ZNF197: variants seen among roughly 807,000 people sequenced by gnomAD.
The protein encoded by ZNF197 is zinc finger protein 197.
A neutral mutation model predicts 27.4 loss-of-function variants in ZNF197; 14 were observed. The ratio of observed to expected loss-of-function variants is 0.51; its 90% confidence interval spans 0.34 to 0.80. The LOEUF is 0.80. Ranked by LOEUF, ZNF197 falls within the 30% of genes least tolerant of loss-of-function variation. The pLI, the probability that ZNF197 is intolerant of heterozygous loss-of-function variation, is 0.02. For synonymous variants in ZNF197, 415 were observed against 420.0 expected, an observed-to-expected ratio of 0.99 and a Z score of 0.15; for missense variants, 1,090 against 1,222.6, an observed-to-expected ratio of 0.89 and a Z score of 1.62.
chr3:44,635,639 A>G (rs1575476646), intron 5 of ZNF197, among the ~76,000 whole-genome samples: 1 of 152,166 alleles, frequency 6.6e-6, no homozygotes, highest in Admixed American at 6.5e-5. Flanking sequence ...TATTTAGGAG[A>G]TTGGACTAAA....
At chr3:44,627,836 A>G (rs1353395658) in intron 1 of ZNF197, among the ~76,000 whole-genome samples, 1 of 151,910 alleles carries the variant, frequency 6.6e-6, no homozygotes, top group Non-Finnish European at 1.5e-5. Flanking sequence ...ATCTCAAAAA[A>G]AAAAAAAAAA....
rs73829671 is a variant in ZNF197, at chr3:44,632,229, C to T, written c.642+33C>T. 4.8e-3 allele frequency: 7,793 copies of T among 1,607,740 alleles called. 286 individuals are homozygous for T. In the African/African-American group the frequency reaches 0.087, roughly 18 times the overall value. ...TTGCATCCTCTTTCCTTCCCATCTGCACAGCGTAACTGTGGCTGAAGTGCC... is the reference window on the plus strand; with the variant it reads ...TTGCATCCTCTTTCCTTCCCATCTGTACAGCGTAACTGTGGCTGAAGTGCC... On this transcript the variant is annotated intron_variant, in intron 4 of 5. Transcript: ENST00000344387.
chr3:44,632,487 CGAG>C lies in ZNF197; in HGVS notation c.662_664del (p.Glu221del). 6.3e-7 allele frequency: 1 copy of C among 1,598,638 alleles called. No homozygotes were observed. ...TGTTATTTCAGGAGTTGGTGATGTT[CGAG>C]GAGGTGTCAGTATGCTTCACTTCAG... On this transcript the variant is annotated inframe_deletion, in exon 5 of 6. Transcript: ENST00000344387.
chr3:44,632,403 G>A, intron 4 of ZNF197, 70 bp from the exon 5 acceptor site: 1 of 1,535,312 alleles, frequency 6.5e-7, no homozygotes, highest in South Asian at 1.3e-5. Flanking sequence ...CCCTTCCCCA[G>A]AAGTGAAGGG....
At chr3:44,625,549 TTTTG>T (rs925007929) in intron 1 of ZNF197, among the ~76,000 whole-genome samples, 53 of 152,046 alleles carry the variant, frequency 3.5e-4, no homozygotes, top group African/African-American at 1.3e-3. Context: ...GGACGGATTT[TTTTG>T]TTTGTTTGTT....
intron 1 of ZNF197, 88 bp downstream of exon 1, chr3:44,625,231 C>A: frequency 6.6e-6 from 1 of 152,204 alleles, no homozygotes; most frequent in East Asian, 1.9e-4. Flanking sequence ...GCACAGCCCT[C>A]GGTAGCCTCT....
At chr3:44,632,439 GCATTGGTAATCT>G in intron 4 of ZNF197, 22 bp from the exon 5 acceptor site, 7 of 1,557,670 alleles carry the variant, frequency 4.5e-6, no homozygotes, top group Non-Finnish European at 6.1e-6. Context: ...AAGTTCCTGG[GCATTGGTAATCT>G]CACACACACT....
rs1211707758 is a variant in ZNF197 at position 44,632,580 on chromosome 3, T to C, written c.750T>C (p.Tyr250=). Residue 250 remains tyrosine, a synonymous_variant, in exon 5 of 6, where the codon TAT becomes TAC. Transcript: ENST00000344387. The stretch of plus-strand genomic sequence containing the variant: ...ACTGGGATGTGATGCTGGAGAATTA[T>C]GGAAATGTGACCTCCCTAGGTAAGG... ...ALYWDVMLEN[Y]GNVTSLEWET... The C allele has an allele frequency of 2.5e-6, 4 of 1,586,664 alleles. No homozygotes were observed. The highest frequency in any genetic ancestry group is 1.3e-5 in the African/African-American group (1 of 74,242).
At chr3:44,634,698 C>T (rs1032947330) in intron 5 of ZNF197, among the ~76,000 whole-genome samples, 3 of 152,206 alleles carry the variant, frequency 2.0e-5, no homozygotes, top group African/African-American at 7.2e-5. Context: ...GATCCACCCG[C>T]CTCAGCCTCC....
rs1478589354 is a variant in ZNF197 at position 44,647,865 on chromosome 3, G to A, written c.*3645G>A. The A allele has an allele frequency of 6.6e-6, 1 of 152,150 alleles. No homozygotes were observed. The highest frequency in any genetic ancestry group is 1.5e-5 in the Non-Finnish European group (1 of 68,020). 9.4% of individuals were successfully genotyped at this position (152,150 alleles called of 1,614,324 possible). ...GTAGCACCAGAAAGGTCTTTGTGGT[G>A]ATGGAACACTTGTGTATCTTGATTG... On this transcript the variant is annotated 3_prime_UTR_variant, in exon 6 of 6. Transcript: ENST00000344387.
rs777331961 is a variant in ZNF197, at chr3:44,643,920, T to C, written c.2790T>C (p.Tyr930=). The C allele has an allele frequency of 2.0e-5, 32 of 1,613,970 alleles. No homozygotes were observed. The highest frequency in any genetic ancestry group is 2.5e-5 in the Non-Finnish European group (29 of 1,180,014). Residue 930 remains tyrosine (Y), a synonymous_variant, in exon 6 of 6, where the codon TAT becomes TAC. Coordinates refer to ENST00000344387, the MANE Select transcript of ZNF197 (RefSeq NM_006991.5). ...GAATGCACACTGGGGAAAAACCTTA[T>C]GAGTGTGACAAGTGTAGGAAATCCT... ...HQRMHTGEKP[Y]ECDKCRKSFT...
intron 5 of ZNF197, among the ~76,000 whole-genome samples, chr3:44,637,874 A>G (rs1422446746): frequency 6.6e-6 from 1 of 152,198 alleles, no homozygotes; most frequent in Admixed American, 6.5e-5. Context: ...TTCATGGTAC[A>G]TTTTGAAATA....
intron 5 of ZNF197, 116 bp from the exon 6 acceptor site, chr3:44,641,784 C>T (rs1265081822): frequency 8.2e-7 from 1 of 1,217,712 alleles, no homozygotes; most frequent in Non-Finnish European, 1.1e-6. Flanking sequence ...AAAGTTTCTC[C>T]TTTTTGTATG....
chr3:44,643,388 G>T lies in ZNF197; in HGVS notation c.2258G>T (p.Arg753Leu). The T allele has an allele frequency of 6.2e-7, 1 of 1,614,128 alleles. No homozygotes were observed. Among genetic ancestry groups the T allele is most frequent in the Non-Finnish European group, 8.5e-7 (1 of 1,180,022 alleles). ...FSYNSSLLVH[R>L]RIHTGEKPFE... is the part of the protein sequence containing the mutation. ...TACAATTCAAGCCTGCTTGTACATC[G>T]GAGAATCCACACCGGAGAAAAACCC... Residue 753 changes from arginine to leucine, a missense_variant, in exon 6 of 6, where the codon CGG becomes CTG. Physicochemically the swap from Arg to Leu is moderately radical, Grantham distance 102 (BLOSUM62 -2). Coordinates refer to ENST00000344387, the MANE Select transcript of ZNF197 (RefSeq NM_006991.5).
At chr3:44,634,419 T>C (rs967440259) in intron 5 of ZNF197, among the ~76,000 whole-genome samples, 2 of 152,158 alleles carry the variant, frequency 1.3e-5, no homozygotes, top group African/African-American at 4.8e-5. Context: ...GTGGTCTTTT[T>C]CCTCATAAAA....
chr3:44,643,730 T>A lies in ZNF197; in HGVS notation c.2600T>A (p.Ile867Asn). 2.5e-6 allele frequency: 4 copies of A among 1,614,022 alleles called. No homozygotes were observed. The highest frequency in any genetic ancestry group is 3.4e-6 in the Non-Finnish European group (4 of 1,179,962). The change falls in exon 6 of 6, where the codon ATT becomes AAT. Residue 867 changes from isoleucine (I) to asparagine (N), a missense_variant. By Grantham distance (149) the Ile-to-Asn change is moderately radical. Coordinates refer to ENST00000344387, the MANE Select transcript of ZNF197 (RefSeq NM_006991.5). ...YNRNLIEHQR[I>N]HSGEKTYECH... ...AGAAACCTGATTGAACATCAAAGAA[T>A]TCACAGTGGAGAAAAAACCTACGAA...
rs777668872 is a variant in ZNF197, at chr3:44,642,251, T to C, written c.1121T>C (p.Met374Thr). 3.0e-5 allele frequency: 49 copies of C among 1,613,910 alleles called. No individual in the cohort carries two copies. In the South Asian group the frequency reaches 4.7e-4, roughly 16 times the overall value. The change falls in exon 6 of 6, where the codon ATG becomes ACG. Residue 374 changes from methionine to threonine, a missense_variant. Physicochemically the swap from Met to Thr is moderately conservative, Grantham distance 81. Transcript: ENST00000344387. ...TEGKKFYKCDMCCKHFNKISH... is the reference protein window; with the variant it reads ...TEGKKFYKCDTCCKHFNKISH... The stretch of plus-strand genomic sequence containing the variant: ...GGAAAGAAGTTTTATAAATGTGATA[T>C]GTGTTGTAAACATTTTAATAAAATC...
chr3:44,642,695 A>G lies in ZNF197; in HGVS notation c.1565A>G (p.Lys522Arg). The G allele has an allele frequency of 6.2e-7, 1 of 1,614,030 alleles. No individual in the cohort carries two copies. The highest frequency in any genetic ancestry group is 1.1e-5 in the South Asian group (1 of 91,084). ...CNKCQKAFIL[K>R]KSLILHQRIH... ...AAGTGTCAGAAAGCTTTCATTCTGA[A>G]GAAGAGCCTCATTCTGCACCAGAGA... The change falls in exon 6 of 6, where the codon AAG becomes AGG. Residue 522 changes from lysine (K) to arginine (R), a missense_variant. Lys to Arg is a conservative substitution (Grantham distance 26). Coordinates refer to ENST00000344387, the MANE Select transcript of ZNF197 (RefSeq NM_006991.5).
At position 44,645,736 on chromosome 3, in the gene ZNF197, T is replaced by C; in HGVS notation, c.*1516T>C. ...ATAGCCTGTTACTAATGAAACAACATTCTGTCCCAGCACTAAATTTACTGG... is the reference window on the plus strand; with the variant it reads ...ATAGCCTGTTACTAATGAAACAACACTCTGTCCCAGCACTAAATTTACTGG... On this transcript the variant is annotated 3_prime_UTR_variant, in exon 6 of 6. Coordinates refer to ENST00000344387, the MANE Select transcript of ZNF197 (RefSeq NM_006991.5). 1.0e-6 allele frequency: 1 copy of C among 985,458 alleles called. No homozygotes were observed. Among genetic ancestry groups the C allele is most frequent in the Non-Finnish European group, 1.2e-6 (1 of 829,948 alleles). The allele number at this position is 985,458 out of a possible 1,614,324, so 61.0% of individuals were successfully genotyped here.
Sources: allele counts gnomAD v4.1 joint callset (sites outside exome capture counted in the v4.1 genomes callset), GRCh38; gene constraint gnomAD v4.1.1; transcripts MANE v1.5; gene names NCBI Gene and HGNC (gene_info 2026-07-23, HGNC 2026-07-21).